The following PDE7A variants were observed in gnomAD, a reference collection of about 807,000 sequenced individuals.
PDE7A encodes the protein phosphodiesterase 7A, also known as high affinity 3',5'-cyclic-AMP phosphodiesterase 7A.
In PDE7A, 39 loss-of-function variants were observed where a neutral mutation model predicts 64.3. The observed-to-expected ratio is 0.61, with a 90% confidence interval of 0.47 to 0.79. The LOEUF (loss-of-function observed/expected upper bound fraction) is 0.79, where lower values mean the gene tolerates loss of function less well. PDE7A is among the 30% of genes least tolerant of loss of function. The pLI is 0.00. For synonymous variants in PDE7A, 203 were observed against 206.8 expected (o/e 0.98, Z 0.16); for missense variants, 470 against 582.8 (o/e 0.81, Z 1.99).
chr8:65,827,682 A>G (rs930093429), intron 1 of PDE7A, among the ~76,000 whole-genome samples: 2 of 152,196 alleles, frequency 1.3e-5, no homozygotes, highest in Non-Finnish European at 2.9e-5. Flanking sequence ...CTATGTTTAA[A>G]TGCACAAATA....
chr8:65,827,450 T>A (rs1810705737), intron 1 of PDE7A, among the ~76,000 whole-genome samples: 1 of 152,220 alleles, frequency 6.6e-6, no homozygotes. Context: ...AACAGAAAGT[T>A]TATTTTCTCA....
intron 4 of PDE7A, among the ~76,000 whole-genome samples, chr8:65,747,401 T>A (rs1411692326): frequency 1.3e-5 from 2 of 152,204 alleles, no homozygotes; most frequent in Non-Finnish European, 2.9e-5. Context: ...TTTATTGATC[T>A]CCTTGTTACG....
intron 4 of PDE7A, among the ~76,000 whole-genome samples, chr8:65,746,097 AT>A (rs374802114): frequency 4.7e-3 from 667 of 141,214 alleles, no homozygotes; most frequent in African/African-American, 0.012. Context: ...TACCTGGCTA[AT>A]TTTTTTTTTT....
chr8:65,776,878 C>A (rs1809273738), intron 3 of PDE7A, among the ~76,000 whole-genome samples: 1 of 152,058 alleles, frequency 6.6e-6, no homozygotes, highest in Admixed American at 6.6e-5. Flanking sequence ...TGGCCAGAAC[C>A]TCTGAAACAA....
chr8:65,801,855 A>G (rs1809995004), intron 1 of PDE7A, among the ~76,000 whole-genome samples: 1 of 152,244 alleles, frequency 6.6e-6, no homozygotes, highest in Non-Finnish European at 1.5e-5. Flanking sequence ...AGTAAGGTTC[A>G]GGAAAAAACT....
At chr8:65,812,822 C>T (rs1461555113) in intron 1 of PDE7A, among the ~76,000 whole-genome samples, 1 of 152,092 alleles carries the variant, frequency 6.6e-6, no homozygotes, top group Non-Finnish European at 1.5e-5. Context: ...TTATTTTAAC[C>T]TATCACACTG....
Position 65,747,739 on chromosome 8 carries a change from T to G in PDE7A, c.348A>C (p.Arg116=). The part of the protein sequence containing the change: ...RNIRRLLSFQ[R]YLRSSRFFRG... Reference sequence around the variant, plus strand: ...GAAAAAAGCGTGAAGATCTAAGATATCGCTGGAAACTTAGTAGCCTTCTGA... The same window carrying G: ...GAAAAAAGCGTGAAGATCTAAGATAGCGCTGGAAACTTAGTAGCCTTCTGA... Residue 116 remains arginine (R), a synonymous_variant, in exon 4 of 13, where the codon CGA becomes CGC. Coordinates refer to ENST00000401827, the MANE Select transcript of PDE7A (RefSeq NM_001242318.3). 6.2e-7 allele frequency: 1 copy of G among 1,608,236 alleles called. No homozygotes were observed. The highest frequency in any genetic ancestry group is 8.5e-7 in the Non-Finnish European group (1 of 1,174,942).
At chr8:65,813,669 T>G (rs1192221671) in intron 1 of PDE7A, among the ~76,000 whole-genome samples, 1 of 152,256 alleles carries the variant, frequency 6.6e-6, no homozygotes, top group Non-Finnish European at 1.5e-5. Context: ...TATTTTTTAA[T>G]GTAATCTTTT....
chr8:65,827,357 G>A (rs1419405605), intron 1 of PDE7A, among the ~76,000 whole-genome samples: 3 of 152,114 alleles, frequency 2.0e-5, no homozygotes, highest in South Asian at 2.1e-4. Flanking sequence ...ATCTTAAGCC[G>A]TAATTTTTCT....
intron 1 of PDE7A, among the ~76,000 whole-genome samples, chr8:65,822,601 C>T (rs1161865509): frequency 6.6e-6 from 1 of 152,218 alleles, no homozygotes; most frequent in African/African-American, 2.4e-5. Context: ...GAAGTCGGAA[C>T]AGATCAGTGG....
intron 1 of PDE7A, among the ~76,000 whole-genome samples, chr8:65,819,572 A>G (rs958422956): frequency 3.3e-5 from 5 of 152,250 alleles, no homozygotes; most frequent in Non-Finnish European, 7.3e-5. Flanking sequence ...AATTAAAGCA[A>G]TGTAAGTATT....
intron 7 of PDE7A, among the ~76,000 whole-genome samples, chr8:65,731,121 A>G (rs903277263): frequency 6.6e-6 from 1 of 152,172 alleles, no homozygotes; most frequent in Non-Finnish European, 1.5e-5. Context: ...GAGGCCTGAC[A>G]TTCCTGTGGT....
At chr8:65,788,592 G>T (rs554595067) in intron 1 of PDE7A, among the ~76,000 whole-genome samples, 5 of 152,054 alleles carry the variant, frequency 3.3e-5, no homozygotes, top group Admixed American at 2.0e-4. Flanking sequence ...AATCTTAAAA[G>T]TTAAACTTCT....
intron 1 of PDE7A, among the ~76,000 whole-genome samples, chr8:65,838,995 A>C (rs1024601217): frequency 6.6e-6 from 1 of 152,214 alleles, no homozygotes; most frequent in East Asian, 1.9e-4. Context: ...GGATAAATGA[A>C]TTTGTGCTGT....
chr8:65,742,860 T>G (rs1466764342), intron 5 of PDE7A, among the ~76,000 whole-genome samples: 1 of 152,158 alleles, frequency 6.6e-6, no homozygotes. Flanking sequence ...GAATGAACCC[T>G]AAGGGGAAAC....
intron 1 of PDE7A, among the ~76,000 whole-genome samples, chr8:65,787,777 T>C (rs1809599614): frequency 6.9e-6 from 1 of 144,880 alleles, no homozygotes. Flanking sequence ...ACCTCATCTC[T>C]ACAGGGGGGG....
At chr8:65,841,256 A>C in intron 1 of PDE7A, 115 bp downstream of exon 1, 1 of 1,199,822 alleles carries the variant, frequency 8.3e-7, no homozygotes, top group Non-Finnish European at 1.1e-6. Context: ...CAGCCTAGAA[A>C]TCCCCAGACA....
chr8:65,840,644 T>A (rs563301932), intron 1 of PDE7A, among the ~76,000 whole-genome samples: 1 of 152,226 alleles, frequency 6.6e-6, no homozygotes, highest in Non-Finnish European at 1.5e-5. Flanking sequence ...ACCTAAGGAA[T>A]TGGGCCAACG....
chr8:65,773,694 T>C (rs1003586232), intron 3 of PDE7A, among the ~76,000 whole-genome samples: 1 of 152,228 alleles, frequency 6.6e-6, no homozygotes, highest in African/African-American at 2.4e-5. Flanking sequence ...TCTTGTCTTT[T>C]AGATTTATTT....
Sources: gnomAD v4.1 joint callset for allele counts (sites outside exome capture counted in the v4.1 genomes callset) on GRCh38, gnomAD v4.1.1 for gene constraint, MANE v1.5 for transcripts, NCBI Gene and HGNC (gene_info 2026-07-23, HGNC 2026-07-21) for gene names.